Variants in GRAP2 observed in about 807,000 individuals in gnomAD.
GRAP2 encodes the protein GRB2 related adaptor protein 2.
A neutral mutation model predicts 43.5 loss-of-function variants in GRAP2; 31 were observed. The observed-to-expected ratio is 0.71, with a 90% confidence interval of 0.54 to 0.96. The LOEUF is 0.96. GRAP2 is among the 40% of genes least tolerant of loss of function. The pLI, the probability that GRAP2 is intolerant of heterozygous loss-of-function variation, is 0.00. For synonymous variants in GRAP2, 156 were observed against 164.8 expected (o/e 0.95, Z 0.41); for missense variants, 371 against 424.4 (o/e 0.87, Z 1.11).
chr22:39,920,045 G>A (rs1397629735), intron 1 of GRAP2, among the ~76,000 whole-genome samples: 1 of 152,152 alleles, frequency 6.6e-6, no homozygotes, highest in Non-Finnish European at 1.5e-5. Context: ...TGTCAAAAAA[G>A]CAAGTGCTTT....
chr22:39,928,727 G>C (rs1318029225), intron 1 of GRAP2, among the ~76,000 whole-genome samples: 1 of 152,182 alleles, frequency 6.6e-6, no homozygotes, highest in African/African-American at 2.4e-5. Flanking sequence ...GAGTTCTAAA[G>C]TTAGCAAGAC....
rs1320284951 is a variant in GRAP2 at position 39,972,121 on chromosome 22, C to T, written c.*1037C>T. On this transcript the variant is annotated 3_prime_UTR_variant, in exon 8 of 8. Transcript: ENST00000344138. ...ACCAGCTTCCTGTTCAGTCTGACCA[C>T]TGCTGTCCTCCTGCTGCCCAAGAGT... 1 of 152,400 alleles carries T rather than the reference C, an allele frequency of 6.6e-6. No individual in the cohort carries two copies. Among genetic ancestry groups the T allele is most frequent in the African/African-American group, 2.4e-5 (1 of 41,464 alleles). 9.4% of individuals were successfully genotyped at this position (152,400 alleles called of 1,614,324 possible).
intron 1 of GRAP2, among the ~76,000 whole-genome samples, chr22:39,930,912 C>T (rs959616722): frequency 3.9e-5 from 6 of 152,200 alleles, no homozygotes; most frequent in Admixed American, 2.0e-4. Context: ...ATTGTCACCT[C>T]ATTTGGGAAG....
rs2067044250 is a variant in GRAP2, at chr22:39,955,858, G to C, written c.118G>C (p.Gly40Arg). ...AGAGGAGTGGTTTAAGGCGGAGCTT[G>C]GGAGCCAGGAAGGATATGTGCCCAA... ...NQEEWFKAEL[G>R]SQEGYVPKNF... is the part of the protein sequence containing the mutation. The change falls in exon 3 of 8, where the codon GGG (glycine) becomes CGG (arginine). Residue 40 changes from glycine (G) to arginine (R), a missense_variant. Coordinates refer to ENST00000344138, the MANE Select transcript of GRAP2 (RefSeq NM_004810.4). 1.8e-5 allele frequency: 29 copies of C among 1,592,772 alleles called. No homozygotes were observed. Among genetic ancestry groups the C allele is most frequent in the Non-Finnish European group, 2.4e-5 (28 of 1,160,606 alleles).
At chr22:39,929,639 C>T (rs2066737831) in intron 1 of GRAP2, among the ~76,000 whole-genome samples, 1 of 152,190 alleles carries the variant, frequency 6.6e-6, no homozygotes, top group South Asian at 2.1e-4. Context: ...TCCCATCCCT[C>T]CCTGCTGTCT....
chr22:39,949,898 A>G (rs949084861), intron 2 of GRAP2, among the ~76,000 whole-genome samples: 1 of 152,104 alleles, frequency 6.6e-6, no homozygotes, highest in Non-Finnish European at 1.5e-5. Context: ...TCTTCTTACT[A>G]GTCCCAGAGG....
In GRAP2 at chr22:39,943,760, G is replaced by A. The variant is rs181190725; in HGVS notation, c.-14-3333G>A. 9.0e-4 allele frequency among the ~76,000 whole-genome samples: 129 copies of A among 143,396 alleles called. 1 individual carries two copies. Among genetic ancestry groups the A allele is most frequent in the Admixed American group, 8.9e-3 (123 of 13,838 alleles). 94.1% of individuals were successfully genotyped at this position (143,396 alleles called of 152,430 possible). ...TTTTAAGATGGAGTCTCACTCTGTC[G>A]CTAGACTGGAGTGCAGTGGTGCAAT... On this transcript the variant is annotated intron_variant, in intron 1 of 7. Transcript: ENST00000344138.
intron 2 of GRAP2, among the ~76,000 whole-genome samples, chr22:39,952,019 GTTT>G (rs397946166): frequency 1.4e-5 from 2 of 138,250 alleles, no homozygotes; most frequent in African/African-American, 5.2e-5. Flanking sequence ...AAAGTGTGTG[GTTT>G]TTTTTTTTTT....
intron 2 of GRAP2, among the ~76,000 whole-genome samples, chr22:39,950,394 G>A (rs368832465): frequency 2.1e-4 from 32 of 152,234 alleles, no homozygotes; most frequent in African/African-American, 7.2e-4. Context: ...CCTTTGCCCC[G>A]TGGGATCCTA....
At chr22:39,920,322 C>G (rs1022150706) in intron 1 of GRAP2, among the ~76,000 whole-genome samples, 1 of 152,192 alleles carries the variant, frequency 6.6e-6, no homozygotes, top group Admixed American at 6.5e-5. Flanking sequence ...AGAAAATGTT[C>G]ACTCATCTTC....
At chr22:39,905,824 A>T (rs1182191955) in intron 1 of GRAP2, among the ~76,000 whole-genome samples, 5 of 152,132 alleles carry the variant, frequency 3.3e-5, no homozygotes, top group African/African-American at 4.8e-5. Flanking sequence ...CTCTCTGATG[A>T]TGGGCACATG....
At chr22:39,926,969 C>G in intron 1 of GRAP2, 1 of 409,294 alleles carries the variant, frequency 2.4e-6, no homozygotes, top group Non-Finnish European at 3.3e-6. Context: ...AGTTTGTCAC[C>G]CTGTGCTCAG....
intron 1 of GRAP2, among the ~76,000 whole-genome samples, chr22:39,921,104 C>T (rs1183717355): frequency 6.6e-6 from 1 of 152,162 alleles, no homozygotes; most frequent in Non-Finnish European, 1.5e-5. Flanking sequence ...CTCGAGCTTT[C>T]TTGAGCTTAG....
chr22:39,902,699 A>G (rs1448159631), intron 1 of GRAP2, among the ~76,000 whole-genome samples: 1 of 152,232 alleles, frequency 6.6e-6, no homozygotes, highest in Non-Finnish European at 1.5e-5. Flanking sequence ...TCTATTCAAT[A>G]TGAAGAAATA....
intron 5 of GRAP2, among the ~76,000 whole-genome samples, chr22:39,967,542 C>G (rs1488261503): frequency 2.0e-5 from 3 of 152,164 alleles, no homozygotes; most frequent in Non-Finnish European, 4.4e-5. Context: ...CTTCTTCCCC[C>G]ACGTCCAGCC....
intron 1 of GRAP2, among the ~76,000 whole-genome samples, chr22:39,904,720 C>T (rs1601684119): frequency 6.6e-6 from 1 of 152,248 alleles, no homozygotes; most frequent in Admixed American, 6.5e-5. Context: ...ATTTGTCCCC[C>T]AAATGTCTTC....
chr22:39,953,569 A>G (rs9607675), intron 2 of GRAP2, among the ~76,000 whole-genome samples: 4,715 of 152,120 alleles, frequency 0.031, 102 homozygotes, highest in Non-Finnish European at 0.046. Flanking sequence ...CTTGCAATCT[A>G]TCTTCACATT....
chr22:39,899,917 C>T (rs1266885783), upstream of GRAP2, among the ~76,000 whole-genome samples: 2 of 151,766 alleles, frequency 1.3e-5, no homozygotes, highest in Non-Finnish European at 2.9e-5. Flanking sequence ...ACTCGGGAGA[C>T]GGAGGTTGCA....
chr22:39,932,337 G>A (rs1181229746), intron 1 of GRAP2, among the ~76,000 whole-genome samples: 1 of 152,086 alleles, frequency 6.6e-6, no homozygotes, highest in African/African-American at 2.4e-5. Flanking sequence ...ACTTGGTGAG[G>A]TGTACATTTT....
Sources: gnomAD v4.1 joint callset for allele counts (sites outside exome capture counted in the v4.1 genomes callset) on GRCh38, gnomAD v4.1.1 for gene constraint, MANE v1.5 for transcripts, NCBI Gene and HGNC (gene_info 2026-07-23, HGNC 2026-07-21) for gene names.